ROCK1: variants seen among roughly 807,000 people sequenced by gnomAD.
The protein encoded by ROCK1 is Rho associated coiled-coil containing protein kinase 1.
A neutral mutation model predicts 196.8 loss-of-function variants in ROCK1; 36 were observed. The ratio of observed to expected loss-of-function variants is 0.18; its 90% CI spans 0.14 to 0.24. The LOEUF (loss-of-function observed/expected upper bound fraction) is 0.24. Among genes scored for constraint, ROCK1 ranks in the 10% least tolerant of loss-of-function variants. The pLI, the probability that ROCK1 is intolerant of heterozygous loss-of-function variation, is 1.00. For missense variants in ROCK1, 920 were observed against 1,562.0 expected, an observed-to-expected ratio of 0.59 and a Z score of 6.93; for synonymous variants, 443 against 515.9, an observed-to-expected ratio of 0.86 and a Z score of 1.91.
chr18:21,032,046 G>C (rs1258814494), intron 9 of ROCK1, among the ~76,000 whole-genome samples: 1 of 152,182 alleles, frequency 6.6e-6, no homozygotes, highest in Admixed American at 6.5e-5. Flanking sequence ...GGGGCAGAAA[G>C]ACTATTTGAA....
At chr18:20,971,470 G>A (rs1191401763) in intron 22 of ROCK1, among the ~76,000 whole-genome samples, 1 of 151,868 alleles carries the variant, frequency 6.6e-6, no homozygotes, top group African/African-American at 2.4e-5. Context: ...CGGAAGCAGT[G>A]GCTCACCCCC....
chr18:20,993,229 A>T (rs1014428386), intron 16 of ROCK1, among the ~76,000 whole-genome samples: 8 of 151,992 alleles, frequency 5.3e-5, no homozygotes, highest in Admixed American at 5.2e-4. Context: ...TTTGAGACGG[A>T]GTCTCGCTCT....
At chr18:21,029,841 T>C (rs2035991491) in intron 9 of ROCK1, among the ~76,000 whole-genome samples, 1 of 152,094 alleles carries the variant, frequency 6.6e-6, no homozygotes, top group African/African-American at 2.4e-5. Context: ...ATTTTTTAGC[T>C]TAAAGATACT....
intron 16 of ROCK1, among the ~76,000 whole-genome samples, chr18:21,003,232 A>T (rs1331882195): frequency 6.6e-6 from 1 of 152,176 alleles, no homozygotes; most frequent in African/African-American, 2.4e-5. Context: ...TCACAGGACG[A>T]AAAAAACATG....
intron 1 of ROCK1, among the ~76,000 whole-genome samples, chr18:21,106,015 C>T (rs1477241354): frequency 6.6e-6 from 1 of 152,150 alleles, no homozygotes; most frequent in Non-Finnish European, 1.5e-5. Flanking sequence ...CCAGAAATTT[C>T]ATTTACATTT....
At chr18:21,092,660 C>T (rs190963192) in intron 1 of ROCK1, among the ~76,000 whole-genome samples, 2 of 150,570 alleles carry the variant, frequency 1.3e-5, no homozygotes, top group Admixed American at 1.3e-4. Context: ...TTCATATAGC[C>T]TGGCATTTTT....
At position 20,979,978 on chromosome 18, in the gene ROCK1, T is replaced by C. The variant is rs1281544962; in HGVS notation, c.2586A>G (p.Glu862=). ...FSTLYKTQVK[E]LKEEIEEKNR... ...TTTTTTCTTCAATTTCTTCTTTAAG[T>C]TCCTTTACCTGGGTTTTATAAAGTG... is the stretch of plus-strand genomic sequence containing the variant. Residue 862 remains glutamate (E), a synonymous_variant, in exon 22 of 33, where the codon GAA becomes GAG. Transcript: ENST00000399799. The C allele has an allele frequency of 6.4e-7, 1 of 1,555,484 alleles. No individual in the cohort carries two copies. The highest frequency in any genetic ancestry group is 2.0e-5 in the Admixed American group (1 of 51,110).
intron 1 of ROCK1, among the ~76,000 whole-genome samples, chr18:21,110,360 G>A (rs2036739717): frequency 6.6e-6 from 1 of 152,044 alleles, no homozygotes; most frequent in African/African-American, 2.4e-5. Flanking sequence ...GCAATTCTCC[G>A]TTATCATTTT....
At chr18:20,964,637 T>A (rs1449086343) in intron 27 of ROCK1, among the ~76,000 whole-genome samples, 1 of 152,214 alleles carries the variant, frequency 6.6e-6, no homozygotes, top group Non-Finnish European at 1.5e-5. Context: ...GGAGAATGGC[T>A]ACCAGTACTC....
At chr18:21,078,198 G>A (rs978936007) in intron 1 of ROCK1, among the ~76,000 whole-genome samples, 13 of 152,078 alleles carry the variant, frequency 8.5e-5, no homozygotes, top group African/African-American at 2.9e-4. Flanking sequence ...GTGTGGTGGC[G>A]TGCGCCTGTG....
At chr18:20,990,535 A>C (rs1239218025) in intron 18 of ROCK1, among the ~76,000 whole-genome samples, 1 of 151,422 alleles carries the variant, frequency 6.6e-6, no homozygotes, top group East Asian at 2.0e-4. Flanking sequence ...CTCTACTAAA[A>C]ATACAAAAAT....
At chr18:21,083,323 C>T (rs1057376092) in intron 1 of ROCK1, among the ~76,000 whole-genome samples, 3 of 151,900 alleles carry the variant, frequency 2.0e-5, no homozygotes, top group Admixed American at 2.0e-4. Flanking sequence ...AAATAGAAAA[C>T]CTCATCCTAA....
At chr18:21,074,560 T>A (rs534976660) in intron 1 of ROCK1, among the ~76,000 whole-genome samples, 9 of 152,346 alleles carry the variant, frequency 5.9e-5, no homozygotes, top group African/African-American at 2.2e-4. Flanking sequence ...CCCGCTGGAA[T>A]GTGAACATTC....
chr18:21,110,135 T>C (rs1310267903), intron 1 of ROCK1, among the ~76,000 whole-genome samples: 1 of 152,196 alleles, frequency 6.6e-6, no homozygotes, highest in South Asian at 2.1e-4. Context: ...CTCTTTAGAA[T>C]GTTTTACAAG....
In ROCK1 at chr18:21,045,426, C is replaced by T. The variant is rs371301115; in HGVS notation, c.456G>A (p.Val152=). The T allele has an allele frequency of 8.7e-6, 14 of 1,612,620 alleles. No homozygotes were observed. The highest frequency in any genetic ancestry group is 1.6e-4 in the Middle Eastern group (1 of 6,082). The part of the protein sequence containing the change: ...AFQDDRYLYM[V]MEYMPGGDLV... ...GATCTCCACCAGGCATGTATTCCAT[C>T]ACCATGTAGAGATAACGATCATCTT... The change falls in exon 5 of 33, where the codon GTG becomes GTA. Residue 152 remains valine (V), a synonymous_variant. Transcript: ENST00000399799.
At chr18:20,951,497 T>A (rs1264676303) in intron 32 of ROCK1, 110 bp from the exon 33 acceptor site, 1 of 793,648 alleles carries the variant, frequency 1.3e-6, no homozygotes, top group East Asian at 3.0e-5. Flanking sequence ...CATAAAATAA[T>A]TAACAATTAC....
At chr18:21,075,627 A>C (rs148110445) in intron 1 of ROCK1, among the ~76,000 whole-genome samples, 1 of 152,274 alleles carries the variant, frequency 6.6e-6, no homozygotes, top group Non-Finnish European at 1.5e-5. Flanking sequence ...AAGACTGAAG[A>C]ATAGAACACT....
At chr18:21,106,355 T>G (rs1209417962) in intron 1 of ROCK1, among the ~76,000 whole-genome samples, 1 of 152,150 alleles carries the variant, frequency 6.6e-6, no homozygotes, top group East Asian at 1.9e-4. Flanking sequence ...CAGGCTGGAG[T>G]GCAGTGGCAC....
chr18:21,028,989 T>A, intron 9 of ROCK1, 54 bp from the exon 10 acceptor site: 2 of 1,539,666 alleles, frequency 1.3e-6, no homozygotes, highest in Non-Finnish European at 1.8e-6. Context: ...ACAAGTAAAG[T>A]GAAGCACATT....
Sources: gnomAD v4.1 joint callset for allele counts (sites outside exome capture counted in the v4.1 genomes callset) on GRCh38, gnomAD v4.1.1 for gene constraint, MANE v1.5 for transcripts, NCBI Gene and HGNC (gene_info 2026-07-23, HGNC 2026-07-21) for gene names.